The following CLPX variants were observed in gnomAD, a reference collection of about 807,000 sequenced individuals.
CLPX encodes ATP-dependent clpX-like chaperone, mitochondrial.
In CLPX, 34 loss-of-function variants were observed where a neutral mutation model predicts 76.4. That is an observed-to-expected ratio of 0.45 (90% CI 0.34 to 0.59). The LOEUF (loss-of-function observed/expected upper bound fraction) is 0.59. Among genes scored for constraint, CLPX ranks in the 20% least tolerant of loss-of-function variants. The pLI is 0.01. For synonymous variants in CLPX, 248 were observed against 270.9 expected (o/e 0.92, Z 0.83); for missense variants, 613 against 757.0 (o/e 0.81, Z 2.23).
rs147931273 is a variant in CLPX, at chr15:65,149,206, C to T, written c.*1617G>A. ...AGATATGTATCTTTCTGGCTGGATG[C>T]GGTGGCTCATGCCCGTAATTCTAGC... On this transcript the variant is annotated 3_prime_UTR_variant, in exon 14 of 14. Coordinates refer to ENST00000300107, the MANE Select transcript of CLPX (RefSeq NM_006660.5). 1.9e-3 allele frequency: 290 copies of T among 155,068 alleles called. 1 individual carries two copies. Among genetic ancestry groups the T allele is most frequent in the African/African-American group, 6.2e-3 (258 of 41,558 alleles). The allele number at this position is 155,068 out of a possible 1,614,324, so 9.6% of individuals were successfully genotyped here. A position where few individuals can be genotyped will look rare whatever the true frequency, so the allele number is the denominator to read the frequency against.
At chr15:65,184,749 G>A (rs2140657940) in intron 1 of CLPX, among the ~76,000 whole-genome samples, 1 of 152,364 alleles carries the variant, frequency 6.6e-6, no homozygotes, top group South Asian at 2.1e-4. Context: ...AGTGGGATCT[G>A]GAGACATTTT....
intron 7 of CLPX, 27 bp downstream of exon 7, chr15:65,158,548 A>G: frequency 6.4e-7 from 1 of 1,567,188 alleles, no homozygotes; most frequent in South Asian, 1.1e-5. Flanking sequence ...TAAAATGAGT[A>G]GTAAATTTTC....
At chr15:65,184,504 T>C (rs1019907800) in intron 1 of CLPX, 2 of 152,610 alleles carry the variant, frequency 1.3e-5, no homozygotes, top group Non-Finnish European at 2.9e-5. Flanking sequence ...CGGGAAGTAT[T>C]GTGAACCTTG....
At chr15:65,154,695 ATTTG>A (rs2087764815) in intron 11 of CLPX, 83 bp downstream of exon 11, 7 of 1,014,646 alleles carry the variant, frequency 6.9e-6, no homozygotes, top group Admixed American at 2.6e-5. Flanking sequence ...GATGAGCAGA[ATTTG>A]TTTTTGTTGT....
intron 6 of CLPX, 134 bp downstream of exon 6, chr15:65,162,470 T>G (rs2087866188): frequency 5.3e-6 from 3 of 568,810 alleles, no homozygotes; most frequent in African/African-American, 1.9e-5. Context: ...ATAAACACAT[T>G]TAGATAATAC....
At chr15:65,179,139 A>G in intron 2 of CLPX, 88 bp from the exon 3 acceptor site, 4 of 661,280 alleles carry the variant, frequency 6.0e-6, no homozygotes, top group Non-Finnish European at 1.1e-5. Flanking sequence ...GTTTGTAATT[A>G]ATTTTATAAT....
At position 65,148,387 on chromosome 15, in the gene CLPX, A is replaced by G. The variant is rs1364371349; in HGVS notation, c.*2436T>C. 2 of 152,240 alleles carry G rather than the reference A, an allele frequency of 1.3e-5. No individual in the cohort carries two copies. The highest frequency in any genetic ancestry group is 2.4e-5 in the African/African-American group (1 of 41,470). The allele number at this position is 152,240 out of a possible 1,614,324, so 9.4% of individuals were successfully genotyped here. On this transcript the variant is annotated 3_prime_UTR_variant, in exon 14 of 14. Coordinates refer to ENST00000300107, the MANE Select transcript of CLPX (RefSeq NM_006660.5). The stretch of plus-strand genomic sequence containing the variant: ...GTACATTTCTGGAGGATTAACCTTA[A>G]TATGTTTAGCAGCTAGTCTGATTTC...
chr15:65,181,519 G>A (rs1040276678), intron 1 of CLPX, among the ~76,000 whole-genome samples: 28 of 151,278 alleles, frequency 1.9e-4, no homozygotes, highest in African/African-American at 6.8e-4. Flanking sequence ...TTGGGAGGTT[G>A]AGGTGGGTGG....
intron 3 of CLPX, among the ~76,000 whole-genome samples, chr15:65,171,355 G>A (rs537363085): frequency 1.2e-4 from 18 of 151,802 alleles, no homozygotes; most frequent in Admixed American, 3.9e-4. Context: ...GCTGAGGCAC[G>A]AGAATTGCTT....
chr15:65,180,501 T>C (rs1241326719), intron 1 of CLPX, among the ~76,000 whole-genome samples: 5 of 152,188 alleles, frequency 3.3e-5, no homozygotes, highest in Admixed American at 6.5e-5. Context: ...GACTTCAACA[T>C]CTGCCTCACC....
intron 12 of CLPX, 49 bp from the exon 13 acceptor site, chr15:65,152,585 A>G (rs377721065): frequency 9.9e-7 from 1 of 1,006,978 alleles, no homozygotes; most frequent in African/African-American, 1.7e-5. Context: ...ATTACATACA[A>G]GTGCTTTTAT....
intron 3 of CLPX, among the ~76,000 whole-genome samples, chr15:65,177,104 C>T (rs1355162147): frequency 2.0e-5 from 3 of 150,950 alleles, no homozygotes; most frequent in Admixed American, 6.6e-5. Flanking sequence ...TTCACTCTGT[C>T]GCCCAGGCTG....
intron 1 of CLPX, among the ~76,000 whole-genome samples, chr15:65,183,603 GA>G (rs1225020025): frequency 6.6e-6 from 1 of 151,310 alleles, no homozygotes; most frequent in Non-Finnish European, 1.5e-5. Context: ...GAAAAAGAAA[GA>G]AAACAGTCGT....
Position 65,150,914 on chromosome 15 carries a change from C to A in CLPX, c.1812-1G>T. The A allele has an allele frequency of 6.3e-7, 1 of 1,590,062 alleles. No individual in the cohort carries two copies. Among genetic ancestry groups the A allele is most frequent in the Non-Finnish European group, 8.6e-7 (1 of 1,167,852 alleles). ...TTCAGAGGATTCTTTTGTTGGAGCC[C>A]TACAATGAAAAGCCATGTTTGTTTT... On this transcript the variant is annotated splice_acceptor_variant, in intron 13 of 13. Coordinates refer to ENST00000300107, the MANE Select transcript of CLPX (RefSeq NM_006660.5). LOFTEE classifies it high-confidence loss of function.
Position 65,154,787 on chromosome 15 carries a change from C to T in CLPX, c.1606G>A (p.Asp536Asn). ...ACAAAAAATAAAAATCTAACCTTATCCATGCTGAATAAGGCCTGGTACTGA... is the reference window on the plus strand; with the variant it reads ...ACAAAAAATAAAAATCTAACCTTATTCATGCTGAATAAGGCCTGGTACTGA... ...IPQYQALFSM[D>N]KCELNVTEDA... Residue 536 changes from aspartate to asparagine, a missense_variant, in exon 11 of 14, where the codon GAT becomes AAT. Physicochemically the swap from Asp to Asn is conservative, Grantham distance 23. Coordinates refer to ENST00000300107, the MANE Select transcript of CLPX (RefSeq NM_006660.5). The T allele has an allele frequency of 6.3e-7, 1 of 1,597,110 alleles. No homozygotes were observed.
rs2087678369 is a variant in CLPX, at chr15:65,148,268, G to A, written c.*2555C>T. ...TCAAATGTCAAAATGTAAGTTCCAA[G>A]ATACAAATTATGTTTGATTTAAAAA... On this transcript the variant is annotated 3_prime_UTR_variant, in exon 14 of 14. Coordinates refer to ENST00000300107, the MANE Select transcript of CLPX (RefSeq NM_006660.5). 6.6e-6 allele frequency: 1 copy of A among 152,138 alleles called. No individual in the cohort carries two copies. Among genetic ancestry groups the A allele is most frequent in the Non-Finnish European group, 1.5e-5 (1 of 68,026 alleles). The allele number at this position is 152,138 out of a possible 1,614,324, so 9.4% of individuals were successfully genotyped here.
chr15:65,150,911 G>T lies in CLPX; in HGVS notation c.1814C>A (p.Ala605Asp). Residue 605 changes from alanine (A) to aspartate (D), a missense_variant and splice_region_variant, in exon 14 of 14, where the codon GCT (alanine) becomes GAT (aspartate). Coordinates refer to ENST00000300107, the MANE Select transcript of CLPX (RefSeq NM_006660.5). ...EGKKEPGYIRAPTKESSEEEY... is the reference protein window; with the variant it reads ...EGKKEPGYIRDPTKESSEEEY... Reference sequence around the variant, plus strand: ...CTCTTCAGAGGATTCTTTTGTTGGAGCCCTACAATGAAAAGCCATGTTTGT... The same window carrying T: ...CTCTTCAGAGGATTCTTTTGTTGGATCCCTACAATGAAAAGCCATGTTTGT... The T allele has an allele frequency of 6.3e-7, 1 of 1,594,024 alleles. No individual in the cohort carries two copies. Among genetic ancestry groups the T allele is most frequent in the Non-Finnish European group, 8.6e-7 (1 of 1,169,342 alleles).
Position 65,166,763 on chromosome 15 carries a change from A to G in CLPX, c.381T>C (p.Cys127=). The G allele has an allele frequency of 6.2e-7, 1 of 1,613,542 alleles. No individual in the cohort carries two copies. The highest frequency in any genetic ancestry group is 1.3e-5 in the African/African-American group (1 of 74,988). Residue 127 remains cysteine (C), a synonymous_variant, in exon 4 of 14, where the codon TGT becomes TGC. Transcript: ENST00000300107. ...TFVSSTRFVK[C]EKCHHFFVVL... The stretch of plus-strand genomic sequence containing the variant: ...CAACAAAAAAATGATGACACTTTTC[A>G]CACTTGACAAAACGGGTGGATGCTG...
chr15:65,172,085 T>C (rs1057355490), intron 3 of CLPX, among the ~76,000 whole-genome samples: 2 of 152,174 alleles, frequency 1.3e-5, no homozygotes, highest in African/African-American at 4.8e-5. Flanking sequence ...AACCTCCGCC[T>C]CCCGAGTAGC....
Sources: allele counts gnomAD v4.1 joint callset (sites outside exome capture counted in the v4.1 genomes callset), GRCh38; gene constraint gnomAD v4.1.1; transcripts MANE v1.5; gene names NCBI Gene and HGNC (gene_info 2026-07-23, HGNC 2026-07-21).